The following TRIO variants were observed in gnomAD, a reference collection of about 807,000 sequenced individuals.
The protein encoded by TRIO is triple functional domain protein.
TRIO carries 58 observed loss-of-function variants against 351.9 expected under a neutral mutation model. That is an observed-to-expected ratio of 0.16 (90% CI 0.13 to 0.21). The LOEUF (loss-of-function observed/expected upper bound fraction) is 0.21. TRIO is among the 10% of genes least tolerant of loss of function. The pLI is 1.00. For synonymous variants in TRIO, 1,758 were observed against 1,595.7 expected, an observed-to-expected ratio of 1.10 and a Z score of -2.42; for missense variants, 3,201 against 4,027.8, an observed-to-expected ratio of 0.79 and a Z score of 5.56.
intron 5 of TRIO, 124 bp downstream of exon 5, chr5:14,291,352 C>T (rs1424024790): frequency 8.0e-6 from 8 of 1,006,002 alleles, no homozygotes; most frequent in African/African-American, 1.6e-5. Context: ...TGCTCTAAAC[C>T]AGCGAGAGTC....
At chr5:14,406,858 C>T (rs983577654) in intron 33 of TRIO, among the ~76,000 whole-genome samples, 186 bp downstream of exon 33, 1 of 152,038 alleles carries the variant, frequency 6.6e-6, no homozygotes, top group Admixed American at 6.5e-5. Flanking sequence ...AAGACCTGAA[C>T]CCTGAGGATT....
chr5:14,462,715 T>C, intron 35 of TRIO, 40 bp from the exon 36 acceptor site: 4 of 1,610,116 alleles, frequency 2.5e-6, no homozygotes, highest in Non-Finnish European at 3.4e-6. Context: ...GTCTGTGAAC[T>C]GGCCTGGAAT....
At chr5:14,231,827 G>A (rs902112952) in intron 1 of TRIO, among the ~76,000 whole-genome samples, 1 of 148,502 alleles carries the variant, frequency 6.7e-6, no homozygotes, top group Non-Finnish European at 1.5e-5. Context: ...TCTTACATAG[G>A]CATAAGCCAG....
chr5:14,465,364 T>C (rs1754172650), intron 36 of TRIO, among the ~76,000 whole-genome samples, 181 bp from the exon 37 acceptor site: 1 of 152,214 alleles, frequency 6.6e-6, no homozygotes, highest in African/African-American at 2.4e-5. Flanking sequence ...TAATGTTTCT[T>C]GTCAGAATAT....
rs1442789377 is a variant in TRIO, at chr5:14,433,642, C to T, written c.5203+13621C>T. Reference sequence around the variant, plus strand: ...GCATCCTCAGCTGCAGAGCTGTGTGCTCCTTTTAATAATTGGGGTTTGAGG... The same window carrying T: ...GCATCCTCAGCTGCAGAGCTGTGTGTTCCTTTTAATAATTGGGGTTTGAGG... On this transcript the variant is annotated intron_variant, in intron 34 of 56. Coordinates refer to ENST00000344204, the MANE Select transcript of TRIO (RefSeq NM_007118.4). Among the ~76,000 whole-genome samples, 12 of 152,276 alleles carry T rather than the reference C, an allele frequency of 7.9e-5. No individual in the cohort carries two copies. In the East Asian group the frequency reaches 1.9e-3, roughly 24 times the overall value.
At chr5:14,344,277 C>T (rs140736651) in intron 11 of TRIO, among the ~76,000 whole-genome samples, 255 of 152,314 alleles carry the variant, frequency 1.7e-3, no homozygotes, top group African/African-American at 5.9e-3. Flanking sequence ...TATGTCTTTA[C>T]ATAGACTGCG....
rs558690151 is a variant in TRIO, at chr5:14,270,080, A to G, written c.158-745A>G. Among the ~76,000 whole-genome samples, 9 of 152,350 alleles carry G rather than the reference A, an allele frequency of 5.9e-5. No individual in the cohort carries two copies. The South Asian group carries it at 1.9e-3, about 32-fold the overall frequency. ...CTGGGCTAGATATTTTTGGGCTGCA[A>G]GAATTCCTTTTGCTTAGATGGATTT... is the stretch of plus-strand genomic sequence containing the variant. On this transcript the variant is annotated intron_variant, in intron 1 of 56. Coordinates refer to ENST00000344204, the MANE Select transcript of TRIO (RefSeq NM_007118.4).
chr5:14,496,823 A>G, intron 49 of TRIO, 56 bp from the exon 50 acceptor site: 2 of 1,595,534 alleles, frequency 1.3e-6, no homozygotes, highest in East Asian at 2.2e-5. Flanking sequence ...GCTTCCAGGC[A>G]GCACTTGGTG....
Position 14,369,355 on chromosome 5 carries a change from A to C in TRIO, c.3067-19A>C, listed in dbSNP as rs750370066. On this transcript the variant is annotated intron_variant, in intron 17 of 56. Coordinates refer to ENST00000344204, the MANE Select transcript of TRIO (RefSeq NM_007118.4). ...GTGGCAGATGCCAAGTCTGAGCCTC[A>C]AACTTTTCCTGCTCACAGGTCTGCA... 1.9e-6 allele frequency: 3 copies of C among 1,588,596 alleles called. No homozygotes were observed. The African/African-American group carries it at 4.1e-5, about 21-fold the overall frequency.
chr5:14,489,129 A>G, intron 48 of TRIO: 1 of 722,180 alleles, frequency 1.4e-6, no homozygotes, highest in Non-Finnish European at 2.5e-6. Context: ...ATTTTTAAAT[A>G]CATTTCTCTA....
At chr5:14,149,189 C>A (rs1787683207) in intron 1 of TRIO, among the ~76,000 whole-genome samples, 1 of 152,190 alleles carries the variant, frequency 6.6e-6, no homozygotes. Context: ...CCTGTGCCCG[C>A]AGAACAGGAC....
In TRIO at chr5:14,509,466, T is replaced by C. The variant is rs1396294777; in HGVS notation, c.*1044T>C. 6.5e-6 allele frequency: 3 copies of C among 462,062 alleles called. No individual in the cohort carries two copies. The highest frequency in any genetic ancestry group is 4.6e-5 in the South Asian group (3 of 64,724). The allele number at this position is 462,062 out of a possible 1,614,324, so 28.6% of individuals were successfully genotyped here. On this transcript the variant is annotated 3_prime_UTR_variant, in exon 57 of 57. Coordinates refer to ENST00000344204, the MANE Select transcript of TRIO (RefSeq NM_007118.4). ...AGAGACTTTTCGTGAAATTTGTTGG[T>C]TTTGAGGACTGTAAAAGTGATTTCA...
chr5:14,474,600 C>G (rs1754914690), intron 40 of TRIO, among the ~76,000 whole-genome samples: 1 of 152,168 alleles, frequency 6.6e-6, no homozygotes, highest in Non-Finnish European at 1.5e-5. Flanking sequence ...TTGCAGCCAT[C>G]TTTAGAATAA....
intron 1 of TRIO, among the ~76,000 whole-genome samples, chr5:14,234,692 T>C (rs2152226686): frequency 6.6e-6 from 1 of 152,396 alleles, no homozygotes; most frequent in East Asian, 1.9e-4. Flanking sequence ...GATTGCGGAT[T>C]GTGATGCAAA....
At chr5:14,384,516 C>T (rs773188608) in intron 21 of TRIO, among the ~76,000 whole-genome samples, 4 of 151,768 alleles carry the variant, frequency 2.6e-5, no homozygotes, top group East Asian at 1.9e-4. Flanking sequence ...AATGAAAATC[C>T]TTATAATATC....
Position 14,221,405 on chromosome 5 carries a change from A to G in TRIO, c.158-49420A>G, listed in dbSNP as rs748286252. 7.9e-4 allele frequency among the ~76,000 whole-genome samples: 120 copies of G among 152,254 alleles called. 1 individual carries two copies. Among genetic ancestry groups the G allele is most frequent in the Non-Finnish European group, 5.0e-4 (34 of 68,000 alleles). On this transcript the variant is annotated intron_variant, in intron 1 of 56. Transcript: ENST00000344204. ...CCAAGTCTTATCATTTACAAAATAC[A>G]TTTTGTAAGGCTGTAGCTGCCATAG...
At chr5:14,365,021 G>T (rs1359692959) in intron 15 of TRIO, among the ~76,000 whole-genome samples, 1 of 152,222 alleles carries the variant, frequency 6.6e-6, no homozygotes, top group Non-Finnish European at 1.5e-5. Flanking sequence ...GGAGCCAGTG[G>T]CCAGGACAGC....
At chr5:14,407,172 G>C (rs1748803268) in intron 33 of TRIO, among the ~76,000 whole-genome samples, 1 of 152,028 alleles carries the variant, frequency 6.6e-6, no homozygotes, top group Non-Finnish European at 1.5e-5. Context: ...GGAGTCCTTG[G>C]GCCAGGCCCT....
chr5:14,243,653 C>A (rs1794261300), intron 1 of TRIO, among the ~76,000 whole-genome samples: 1 of 152,080 alleles, frequency 6.6e-6, no homozygotes, highest in African/African-American at 2.4e-5. Context: ...TTTTCCCCAG[C>A]ATTTGTTTTC....
Sources: allele counts gnomAD v4.1 joint callset (sites outside exome capture counted in the v4.1 genomes callset), GRCh38; gene constraint gnomAD v4.1.1; transcripts MANE v1.5; gene names NCBI Gene and HGNC (gene_info 2026-07-23, HGNC 2026-07-21).